Variants in MMAA observed in about 807,000 individuals in gnomAD.
MMAA encodes methylmalonic aciduria type A protein, mitochondrial.
A neutral mutation model predicts 45.0 loss-of-function variants in MMAA; 41 were observed. That is an observed-to-expected ratio of 0.91 (90% CI 0.71 to 1.18). MMAA has a LOEUF of 1.18. MMAA is among the 50% of genes most tolerant of loss of function. MMAA has a pLI of 0.00. For missense variants in MMAA, 460 were observed against 495.7 expected, an observed-to-expected ratio of 0.93 and a Z score of 0.68; for synonymous variants, 154 against 178.2, an observed-to-expected ratio of 0.86 and a Z score of 1.08.
intron 6 of MMAA, 47 bp downstream of exon 6, chr4:145,654,190 A>G (rs746714195): frequency 1.2e-6 from 2 of 1,604,728 alleles, no homozygotes; most frequent in East Asian, 2.2e-5. Flanking sequence ...TGGATTGTGT[A>G]CATTAGAAGA....
At chr4:145,652,536 G>A (rs1728122191) in intron 5 of MMAA, among the ~76,000 whole-genome samples, 1 of 152,030 alleles carries the variant, frequency 6.6e-6, no homozygotes, top group South Asian at 2.1e-4. Context: ...AGACCATCCT[G>A]GCTAACATGG....
intron 3 of MMAA, among the ~76,000 whole-genome samples, chr4:145,643,110 T>C (rs1663662417): frequency 6.6e-6 from 1 of 152,198 alleles, no homozygotes; most frequent in Non-Finnish European, 1.5e-5. Flanking sequence ...TCATCAGCGA[T>C]AAAATGAATA....
At chr4:145,626,872 A>G (rs901287093) in intron 1 of MMAA, among the ~76,000 whole-genome samples, 1 of 152,218 alleles carries the variant, frequency 6.6e-6, no homozygotes, top group Non-Finnish European at 1.5e-5. Context: ...GTTGGGGGGA[A>G]GCAAGAAAAT....
rs955378914 is a variant in MMAA, at chr4:145,656,710, A to G, written c.*1276A>G. 12 of 152,222 alleles carry G rather than the reference A, an allele frequency of 7.9e-5. No homozygotes were observed. The highest frequency in any genetic ancestry group is 1.6e-4 in the Non-Finnish European group (11 of 68,026). The allele number at this position is 152,222 out of a possible 1,614,324, so 9.4% of individuals were successfully genotyped here. On this transcript the variant is annotated 3_prime_UTR_variant, in exon 7 of 7. Coordinates refer to ENST00000649156, the MANE Select transcript of MMAA (RefSeq NM_172250.3). ...ACATTTGAATAAAATTTCTAACCAT[A>G]AAATTTCGCCATTGCACAAAAAGCC... is the stretch of plus-strand genomic sequence containing the variant.
At chr4:145,649,740 C>T (rs762547415) in intron 4 of MMAA, among the ~76,000 whole-genome samples, 5 of 152,072 alleles carry the variant, frequency 3.3e-5, no homozygotes, top group Non-Finnish European at 7.4e-5. Context: ...TCCATCACAC[C>T]GAGAAAGGGA....
At chr4:145,637,351 T>A (rs1317163046) in intron 1 of MMAA, among the ~76,000 whole-genome samples, 1 of 152,184 alleles carries the variant, frequency 6.6e-6, no homozygotes, top group Non-Finnish European at 1.5e-5. Context: ...TGACATTAGA[T>A]CTTTTAAAAT....
At chr4:145,630,817 T>G (rs2126611190) in intron 1 of MMAA, among the ~76,000 whole-genome samples, 1 of 152,336 alleles carries the variant, frequency 6.6e-6, no homozygotes, top group East Asian at 1.9e-4. Flanking sequence ...TAGTACTGCT[T>G]TTGCTGTATC....
Position 145,624,349 on chromosome 4 carries a change from G to A in MMAA, c.-66+4942G>A, listed in dbSNP as rs907693316. On this transcript the variant is annotated intron_variant, in intron 1 of 6. Coordinates refer to ENST00000649156, the MANE Select transcript of MMAA (RefSeq NM_172250.3). Reference sequence around the variant, plus strand: ...AGTCACTTGTCTTCTCCAGAGGATAGCTGGCTGAGGTTGCCCATCTTCTTT... The same window carrying A: ...AGTCACTTGTCTTCTCCAGAGGATAACTGGCTGAGGTTGCCCATCTTCTTT... 7 of 784,616 alleles carry A rather than the reference G, an allele frequency of 8.9e-6. No individual in the cohort carries two copies. The East Asian group carries it at 1.7e-4, about 19-fold the overall frequency. The allele number at this position is 784,616 out of a possible 1,614,324, so 48.6% of individuals were successfully genotyped here.
chr4:145,650,998 A>G (rs1315144746), intron 4 of MMAA, 64 bp from the exon 5 acceptor site: 2 of 1,405,130 alleles, frequency 1.4e-6, no homozygotes, highest in Non-Finnish European at 1.0e-6. Context: ...GAAATGGTCA[A>G]TGTAGTTGAG....
chr4:145,624,701 A>G, intron 1 of MMAA: 1 of 1,549,036 alleles, frequency 6.5e-7, no homozygotes, highest in Non-Finnish European at 8.9e-7. Flanking sequence ...TGGGCATCCC[A>G]TTTTTATCCT....
intron 1 of MMAA, chr4:145,625,205 C>A: frequency 7.1e-7 from 1 of 1,418,322 alleles, no homozygotes; most frequent in Non-Finnish European, 9.9e-7. Flanking sequence ...ATGGCTGTTA[C>A]ACTTTTGATA....
At position 145,646,060 on chromosome 4, in the gene MMAA, A is replaced by G; in HGVS notation, c.637A>G (p.Thr213Ala). 6.2e-7 allele frequency: 1 copy of G among 1,614,150 alleles called. No individual in the cohort carries two copies. Among genetic ancestry groups the G allele is most frequent in the South Asian group, 1.1e-5 (1 of 91,082 alleles). ...GAATGCATACATCAGGCCATCTCCT[A>G]CTAGAGGAACTTTAGGAGGCGTGAC... ...DMNAYIRPSP[T>A]RGTLGGVTRT... The change falls in exon 4 of 7, where the codon ACT (threonine) becomes GCT (alanine). Residue 213 changes from threonine (T) to alanine (A), a missense_variant. Coordinates refer to ENST00000649156, the MANE Select transcript of MMAA (RefSeq NM_172250.3).
chr4:145,653,955 T>G lies in MMAA; in HGVS notation c.820-39T>G, dbSNP rs568373078. On this transcript the variant is annotated intron_variant, in intron 5 of 6. Coordinates refer to ENST00000649156, the MANE Select transcript of MMAA (RefSeq NM_172250.3). ...CTGAGCATTGACTAGTTTTCCCATT[T>G]TTATGTTGGTTGTCATTAAATGTTT... 1.6e-5 allele frequency: 26 copies of G among 1,611,394 alleles called. No individual in the cohort carries two copies. The Admixed American group carries it at 1.7e-4, about 10-fold the overall frequency.
intron 1 of MMAA, among the ~76,000 whole-genome samples, chr4:145,626,785 C>T (rs1734214207): frequency 1.3e-5 from 2 of 152,270 alleles, no homozygotes; most frequent in African/African-American, 2.4e-5. Context: ...TGAAAAAATG[C>T]ATGCACGATG....
intron 1 of MMAA, chr4:145,624,079 A>C: frequency 1.1e-6 from 1 of 882,136 alleles, no homozygotes; most frequent in Non-Finnish European, 1.9e-6. Flanking sequence ...CCAGAAACAC[A>C]ATGATTTGGC....
At position 145,642,459 on chromosome 4, in the gene MMAA, T is replaced by C; in HGVS notation, c.536T>C (p.Val179Ala). Residue 179 changes from valine (V) to alanine (A), a missense_variant, in exon 3 of 7, where the codon GTG becomes GCG. By Grantham distance (64) the Val-to-Ala change is moderately conservative. Transcript: ENST00000649156. ...ERGHKLSVLA[V>A]DPSSCTSGGS... Reference sequence around the variant, plus strand: ...GGGCACAAATTATCTGTGCTAGCTGTGGACCCTTCTTCTTGTACTAGTGGT... The same window carrying C: ...GGGCACAAATTATCTGTGCTAGCTGCGGACCCTTCTTCTTGTACTAGTGGT... 6.2e-7 allele frequency: 1 copy of C among 1,614,230 alleles called. No individual in the cohort carries two copies. The highest frequency in any genetic ancestry group is 8.5e-7 in the Non-Finnish European group (1 of 1,180,024).
intron 5 of MMAA, among the ~76,000 whole-genome samples, chr4:145,651,458 C>T (rs562484618): frequency 6.6e-6 from 1 of 152,252 alleles, no homozygotes; most frequent in African/African-American, 2.4e-5. Context: ...TACGTTGATT[C>T]AAAAGTTCTG....
At chr4:145,634,489 A>G (rs560148463) in intron 1 of MMAA, among the ~76,000 whole-genome samples, 144 of 152,222 alleles carry the variant, frequency 9.5e-4, no homozygotes, top group African/African-American at 3.3e-3. Flanking sequence ...GGGCAGGTCC[A>G]GAAATGCCAT....
chr4:145,648,978 C>T (rs1025849405), intron 4 of MMAA, among the ~76,000 whole-genome samples: 1 of 151,470 alleles, frequency 6.6e-6, no homozygotes, highest in African/African-American at 2.4e-5. Context: ...CAGAGTGAGA[C>T]TCTGTCTCAA....
Sources: allele counts gnomAD v4.1 joint callset (sites outside exome capture counted in the v4.1 genomes callset), GRCh38; gene constraint gnomAD v4.1.1; transcripts MANE v1.5; gene names NCBI Gene and HGNC (gene_info 2026-07-23, HGNC 2026-07-21).